TRA2B: variants seen among roughly 807,000 people sequenced by gnomAD.
TRA2B encodes transformer-2 protein homolog beta.
Under a neutral mutation model 41.7 loss-of-function variants are expected in TRA2B, and 14 were observed. That is an observed-to-expected ratio of 0.34 (90% CI 0.22 to 0.53). The LOEUF is 0.53. Ranked by LOEUF, TRA2B falls within the 20% of genes least tolerant of loss-of-function variation. The pLI, the probability that TRA2B is intolerant of heterozygous loss-of-function variation, is 0.95. For missense variants in TRA2B, 167 were observed against 396.8 expected (o/e 0.42, Z 4.92); for synonymous variants, 130 against 128.8 (o/e 1.01, Z -0.06).
At chr3:185,925,916 C>T (rs1743931992) in intron 2 of TRA2B, among the ~76,000 whole-genome samples, 1 of 152,168 alleles carries the variant, frequency 6.6e-6, no homozygotes, top group Non-Finnish European at 1.5e-5. Context: ...GGCTTGTGCC[C>T]ATCTTTCCCC....
intron 3 of TRA2B, 28 bp from the exon 4 acceptor site, chr3:185,924,012 T>C: frequency 2.5e-6 from 4 of 1,573,226 alleles, no homozygotes; most frequent in Non-Finnish European, 3.4e-6. Flanking sequence ...TTTTAAACTT[T>C]GGAAAAGTTG....
chr3:185,921,048 C>T, intron 6 of TRA2B, 56 bp downstream of exon 6: 2 of 1,462,472 alleles, frequency 1.4e-6, no homozygotes, highest in South Asian at 2.3e-5. Context: ...AAGCATAGTG[C>T]TGCTCTGTAC....
chr3:185,919,581 T>G, intron 6 of TRA2B, 85 bp from the exon 7 acceptor site: 1 of 1,152,302 alleles, frequency 8.7e-7, no homozygotes, highest in Non-Finnish European at 1.2e-6. Flanking sequence ...AATAAAAACT[T>G]TCATAGAGCA....
chr3:185,917,012 C>G lies in TRA2B; in HGVS notation c.*703G>C, dbSNP rs954810506. The G allele has an allele frequency of 2.0e-5, 3 of 152,456 alleles. No homozygotes were observed. Among genetic ancestry groups the G allele is most frequent in the African/African-American group, 7.2e-5 (3 of 41,384 alleles). 9.4% of individuals were successfully genotyped at this position (152,456 alleles called of 1,614,324 possible). A position where few individuals can be genotyped will look rare whatever the true frequency, so the allele number is the denominator to read the frequency against. ...GATAACTAGTTGAAATACCATTATCCCCTTGTAACACCTTTAAGAAACAGC... is the reference window on the plus strand; with the variant it reads ...GATAACTAGTTGAAATACCATTATCGCCTTGTAACACCTTTAAGAAACAGC... On this transcript the variant is annotated 3_prime_UTR_variant, in exon 9 of 9. Transcript: ENST00000453386.
At chr3:185,936,803 A>T (rs1252391009) in intron 1 of TRA2B, 1 of 985,184 alleles carries the variant, frequency 1.0e-6, no homozygotes, top group African/African-American at 1.7e-5. Flanking sequence ...CGCATCATTC[A>T]ATGCTTTCCG....
At chr3:185,926,496 A>C in intron 2 of TRA2B, 105 bp downstream of exon 2, 1 of 1,455,336 alleles carries the variant, frequency 6.9e-7, no homozygotes, top group Non-Finnish European at 9.4e-7. Flanking sequence ...CCAATATTTA[A>C]TAGGCCAACA....
At chr3:185,926,489 A>G (rs1270612830) in intron 2 of TRA2B, 112 bp downstream of exon 2, 5 of 1,413,982 alleles carry the variant, frequency 3.5e-6, no homozygotes, top group South Asian at 2.6e-5. Flanking sequence ...TCTAGTACCA[A>G]TATTTAATAG....
intron 8 of TRA2B, 101 bp from the exon 9 acceptor site, chr3:185,917,826 C>T (rs1578470037): frequency 7.7e-7 from 1 of 1,304,782 alleles, no homozygotes; most frequent in Admixed American, 1.8e-5. Context: ...TAAGAAATTC[C>T]TATGTGCCAG....
intron 8 of TRA2B, 23 bp from the exon 9 acceptor site, chr3:185,917,748 G>A (rs775473595): frequency 3.8e-5 from 61 of 1,609,100 alleles, no homozygotes; most frequent in Non-Finnish European, 5.1e-5. Flanking sequence ...GAATGAACAT[G>A]CTTTAATATT....
At position 185,923,970 on chromosome 3, in the gene TRA2B, A is replaced by G; in HGVS notation, c.348T>C (p.Pro116=). The G allele has an allele frequency of 1.2e-6, 2 of 1,601,408 alleles. No individual in the cohort carries two copies. Among genetic ancestry groups the G allele is most frequent in the South Asian group, 1.1e-5 (1 of 87,484 alleles). ...RHVGNRANPD[P]NCCLGVFGLS... ...GCCCAAATACTCCAAGACAACAGTT[A>G]GGATCAGGATTTGCCTAGGGAAAAA... is the stretch of plus-strand genomic sequence containing the variant. Residue 116 remains proline, a synonymous_variant, in exon 4 of 9, where the codon CCT becomes CCC. Coordinates refer to ENST00000453386, the MANE Select transcript of TRA2B (RefSeq NM_004593.3).
At chr3:185,934,730 A>G (rs1207715805) in intron 1 of TRA2B, 2 of 980,338 alleles carry the variant, frequency 2.0e-6, no homozygotes, top group Non-Finnish European at 2.4e-6. Context: ...AGGAATATAA[A>G]AAGACATCCC....
At chr3:185,921,561 G>C (rs936958069) in intron 5 of TRA2B, among the ~76,000 whole-genome samples, 24 of 152,080 alleles carry the variant, frequency 1.6e-4, no homozygotes, top group Non-Finnish European at 2.8e-4. Flanking sequence ...TCAGGAGATC[G>C]AGAACATCCT....
rs1457663151 is a variant in TRA2B, at chr3:185,914,899, G to A, written c.*2816C>T. On this transcript the variant is annotated 3_prime_UTR_variant, in exon 9 of 9. Transcript: ENST00000453386. ...TCAATTTCTCCTCCTGGGCCTTGCA[G>A]AATTGGAATCCTAGTCAATGGTGTA... 2.0e-5 allele frequency among the ~76,000 whole-genome samples: 3 copies of A among 152,136 alleles called. No homozygotes were observed. Among genetic ancestry groups the A allele is most frequent in the African/African-American group, 4.8e-5 (2 of 41,422 alleles).
At chr3:185,937,436 T>C in intron 1 of TRA2B, 1 of 1,030,854 alleles carries the variant, frequency 9.7e-7, no homozygotes, top group Non-Finnish European at 1.2e-6. Context: ...ATTTTGTGCC[T>C]CTGGCAGCTC....
intron 1 of TRA2B, chr3:185,928,030 T>C (rs775310359): frequency 6.6e-6 from 1 of 152,186 alleles, no homozygotes; most frequent in Non-Finnish European, 1.5e-5. Flanking sequence ...TCAGATAAAA[T>C]CACAAGAGAT....
intron 1 of TRA2B, among the ~76,000 whole-genome samples, chr3:185,930,478 G>A (rs75522126): frequency 0.034 from 5,239 of 152,196 alleles, 274 homozygotes; most frequent in African/African-American, 0.12. Context: ...TGCCATTTAA[G>A]TCACTTTCTC....
chr3:185,935,063 T>C, intron 1 of TRA2B: 1 of 985,434 alleles, frequency 1.0e-6, no homozygotes. Flanking sequence ...TCACACAACC[T>C]ATACGCTGTG....
chr3:185,933,496 G>T (rs893935516), intron 1 of TRA2B, among the ~76,000 whole-genome samples: 3 of 151,908 alleles, frequency 2.0e-5, no homozygotes, highest in Non-Finnish European at 4.4e-5. Flanking sequence ...TGTTTCTAGG[G>T]GATACAACTA....
intron 1 of TRA2B, chr3:185,931,786 G>A: frequency 1.3e-6 from 2 of 1,501,654 alleles, no homozygotes; most frequent in Non-Finnish European, 1.8e-6. Flanking sequence ...TTATTCCTGA[G>A]CTTCAAATAC....
Sources: allele counts gnomAD v4.1 joint callset (sites outside exome capture counted in the v4.1 genomes callset), GRCh38; gene constraint gnomAD v4.1.1; transcripts MANE v1.5; gene names NCBI Gene and HGNC (gene_info 2026-07-23, HGNC 2026-07-21).